Variants in CEP170 observed in about 807,000 individuals in gnomAD.
CEP170 encodes the protein centrosomal protein of 170 kDa.
Under a neutral mutation model 151.9 loss-of-function variants are expected in CEP170, and 21 were observed. The ratio of observed to expected loss-of-function variants is 0.14; its 90% CI spans 0.10 to 0.20. The LOEUF is 0.20. Ranked by LOEUF, CEP170 falls within the 10% of genes least tolerant of loss-of-function variation. The pLI, the probability that CEP170 is intolerant of heterozygous loss-of-function variation, is 1.00. For synonymous variants in CEP170, 356 were observed against 648.8 expected, an observed-to-expected ratio of 0.55 and a Z score of 6.86; for missense variants, 964 against 1,892.9, an observed-to-expected ratio of 0.51 and a Z score of 9.11.
intron 13 of CEP170, among the ~76,000 whole-genome samples, chr1:243,164,007 A>C (rs1168703740): frequency 6.6e-6 from 1 of 152,204 alleles, no homozygotes; most frequent in Non-Finnish European, 1.5e-5. Context: ...TGGAAAATTA[A>C]AACTCCTAAA....
intron 16 of CEP170, among the ~76,000 whole-genome samples, chr1:243,139,018 T>C (rs1264009813): frequency 6.6e-6 from 1 of 152,236 alleles, no homozygotes; most frequent in Non-Finnish European, 1.5e-5. Context: ...GATTATAATC[T>C]CACTGTAGTC....
intron 8 of CEP170, among the ~76,000 whole-genome samples, chr1:243,190,652 A>G (rs1343127154): frequency 3.9e-5 from 6 of 152,208 alleles, no homozygotes; most frequent in Admixed American, 2.6e-4. Context: ...ATTGATCTCA[A>G]TAGAGAACAG....
intron 12 of CEP170, chr1:243,168,481 T>A (rs573288373): frequency 6.6e-6 from 1 of 152,164 alleles, no homozygotes; most frequent in South Asian, 2.1e-4. Context: ...TATATTTGTA[T>A]ATGTTTATGG....
At chr1:243,138,656 A>G (rs2148280171) in intron 16 of CEP170, among the ~76,000 whole-genome samples, 1 of 150,644 alleles carries the variant, frequency 6.6e-6, no homozygotes, top group East Asian at 2.0e-4. Context: ...AAACTCCTTT[A>G]TATCTTTGAG....
intron 3 of CEP170, among the ~76,000 whole-genome samples, chr1:243,212,450 TGTC>T (rs1007465750): frequency 1.3e-5 from 2 of 152,226 alleles, no homozygotes; most frequent in African/African-American, 2.4e-5. Flanking sequence ...ATTTTGCAGT[TGTC>T]ATATGGGTCC....
At chr1:243,153,303 G>A (rs1002386051) in intron 14 of CEP170, among the ~76,000 whole-genome samples, 30 of 152,160 alleles carry the variant, frequency 2.0e-4, no homozygotes, top group Admixed American at 5.9e-4. Context: ...GACAACAAAG[G>A]ATTCAGAATA....
intron 13 of CEP170, among the ~76,000 whole-genome samples, chr1:243,158,630 G>A (rs181540997): frequency 2.2e-4 from 33 of 152,288 alleles, no homozygotes; most frequent in African/African-American, 7.9e-4. Context: ...TTAATAGTCT[G>A]AGCTTAGGAT....
In CEP170 at chr1:243,215,844, G is replaced by T. The variant is rs560280137; in HGVS notation, c.196-3880C>A. 6.2e-3 allele frequency among the ~76,000 whole-genome samples: 940 copies of T among 152,110 alleles called. 8 individuals are homozygous for T. Among genetic ancestry groups the T allele is most frequent in the South Asian group, 0.023 (109 of 4,806 alleles). On this transcript the variant is annotated intron_variant, in intron 3 of 19. Transcript: ENST00000366542. ...ACTTGCTGGTTTTGCAGCTTGCGGG[G>T]CATCACGGAACCTGCTGACGTGATG...
chr1:243,251,334 A>G (rs1368068664), intron 1 of CEP170, among the ~76,000 whole-genome samples: 2 of 152,188 alleles, frequency 1.3e-5, no homozygotes, highest in Non-Finnish European at 2.9e-5. Flanking sequence ...GAGTAAGGAA[A>G]TAAGTGGTAC....
chr1:243,194,893 T>A (rs1218598480), intron 7 of CEP170, among the ~76,000 whole-genome samples: 2 of 151,986 alleles, frequency 1.3e-5, no homozygotes, highest in Non-Finnish European at 1.5e-5. Context: ...TAATTCCATA[T>A]ATCTCAATCA....
At chr1:243,201,843 A>G in intron 4 of CEP170, among the ~76,000 whole-genome samples, 1 of 152,202 alleles carries the variant, frequency 6.6e-6, no homozygotes, top group East Asian at 1.9e-4. Context: ...AAACCAAAAC[A>G]AGAGTCTAGT....
chr1:243,237,902 C>A (rs2064402740), intron 1 of CEP170, among the ~76,000 whole-genome samples: 1 of 152,020 alleles, frequency 6.6e-6, no homozygotes, highest in Non-Finnish European at 1.5e-5. Flanking sequence ...GAGACTCCAT[C>A]TTAAAAAAGA....
Position 243,191,172 on chromosome 1 carries a change from G to A in CEP170, c.954C>T (p.Asp318=), listed in dbSNP as rs755921453. The change falls in exon 8 of 20, where the codon GAC becomes GAT. Residue 318 remains aspartate, a synonymous_variant. Transcript: ENST00000366542. The part of the protein sequence containing the change: ...KSKKSSPGTQ[D]LLGIQTGMMA... ...TCATTCCTGTTTGAATCCCCAGCAA[G>A]TCTTGAGTTCCAGGAGAAGACTTCT... is the stretch of plus-strand genomic sequence containing the variant. 4 of 1,612,596 alleles carry A rather than the reference G, an allele frequency of 2.5e-6. No homozygotes were observed. Among genetic ancestry groups the A allele is most frequent in the Non-Finnish European group, 3.4e-6 (4 of 1,179,260 alleles).
chr1:243,189,441 A>T (rs1262660732), intron 8 of CEP170, among the ~76,000 whole-genome samples: 1 of 151,572 alleles, frequency 6.6e-6, no homozygotes, highest in East Asian at 1.9e-4. Flanking sequence ...CTGTAGTTCC[A>T]GCTACTCGGG....
chr1:243,235,552 G>T (rs1210437458), intron 1 of CEP170, among the ~76,000 whole-genome samples: 1 of 151,944 alleles, frequency 6.6e-6, no homozygotes, highest in African/African-American at 2.4e-5. Context: ...ATTCTGGAAT[G>T]ACTACTCTAA....
At chr1:243,132,493 T>A (rs146422993) in intron 17 of CEP170, among the ~76,000 whole-genome samples, 6,617 of 152,268 alleles carry the variant, frequency 0.043, 286 homozygotes, top group African/African-American at 0.12. Flanking sequence ...CCATAGTGCT[T>A]TATGCATAGT....
intron 10 of CEP170, among the ~76,000 whole-genome samples, chr1:243,173,641 C>T (rs2059017421): frequency 6.8e-6 from 1 of 146,304 alleles, no homozygotes; most frequent in Non-Finnish European, 1.5e-5. Context: ...GAGGCTGAGG[C>T]AAGAAAATAG....
rs565129101 is a variant in CEP170 at position 243,150,621 on chromosome 1, T to G, written c.3911+5600A>C. ...AAGGTAAGCCCAGCATTTTATAAAC[T>G]GTAGAATGTAATGCTGATTCTGAAA... On this transcript the variant is annotated intron_variant, in intron 14 of 19. Coordinates refer to ENST00000366542, the MANE Select transcript of CEP170 (RefSeq NM_014812.3). Among the ~76,000 whole-genome samples the G allele has an allele frequency of 1.6e-4, 24 of 152,314 alleles. No individual in the cohort carries two copies. The South Asian group carries it at 4.3e-3, about 28-fold the overall frequency.
intron 13 of CEP170, chr1:243,163,323 C>T (rs994887433): frequency 6.6e-6 from 1 of 152,252 alleles, no homozygotes; most frequent in African/African-American, 2.4e-5. Context: ...TCCGTTGTAA[C>T]AGCTGGCCTC....
Sources: gnomAD v4.1 joint callset for allele counts (sites outside exome capture counted in the v4.1 genomes callset) on GRCh38, gnomAD v4.1.1 for gene constraint, MANE v1.5 for transcripts, NCBI Gene and HGNC (gene_info 2026-07-23, HGNC 2026-07-21) for gene names.